Variants in CDK19 observed in about 807,000 individuals in gnomAD.
The protein encoded by CDK19 is cyclin-dependent kinase 19.
Under a neutral mutation model 68.3 loss-of-function variants are expected in CDK19, and 20 were observed. The observed-to-expected ratio is 0.29, with a 90% CI of 0.21 to 0.43. The LOEUF is 0.43. Ranked by LOEUF, CDK19 falls within the 20% of genes least tolerant of loss-of-function variation. The pLI, the probability that CDK19 is intolerant of heterozygous loss-of-function variation, is 1.00. For synonymous variants in CDK19, 221 were observed against 222.8 expected (o/e 0.99, Z 0.07); for missense variants, 339 against 623.5 (o/e 0.54, Z 4.86).
intron 1 of CDK19, among the ~76,000 whole-genome samples, chr6:110,774,663 T>G (rs1241790078): frequency 6.6e-6 from 1 of 152,190 alleles, no homozygotes; most frequent in African/African-American, 2.4e-5. Context: ...ATAAAACAAA[T>G]TAAAGGCTGG....
intron 2 of CDK19, among the ~76,000 whole-genome samples, chr6:110,689,147 T>C (rs1175116721): frequency 6.6e-6 from 1 of 152,156 alleles, no homozygotes; most frequent in East Asian, 1.9e-4. Flanking sequence ...CCCCACTCCC[T>C]GCATGAACTC....
intron 2 of CDK19, among the ~76,000 whole-genome samples, chr6:110,701,621 C>CA (rs1202782777): frequency 1.3e-5 from 2 of 151,348 alleles, no homozygotes; most frequent in African/African-American, 2.4e-5. Flanking sequence ...AGACATTTCA[C>CA]AAAAATAAAT....
At chr6:110,669,102 G>A (rs1359999083) in intron 3 of CDK19, among the ~76,000 whole-genome samples, 2 of 152,060 alleles carry the variant, frequency 1.3e-5, no homozygotes, top group Non-Finnish European at 2.9e-5. Flanking sequence ...TGTCCAGTAA[G>A]CCTTGGTTGA....
intron 2 of CDK19, 157 bp from the exon 3 acceptor site, chr6:110,670,698 G>C: frequency 1.5e-6 from 1 of 660,092 alleles, no homozygotes; most frequent in Middle Eastern, 2.4e-4. Context: ...GGCATTCAGA[G>C]ATAAGCTCTG....
At chr6:110,779,326 A>G (rs1246375700) in intron 1 of CDK19, among the ~76,000 whole-genome samples, 1 of 152,126 alleles carries the variant, frequency 6.6e-6, no homozygotes, top group Admixed American at 6.6e-5. Flanking sequence ...CAGCTCCTCC[A>G]AAAAGCTTTC....
chr6:110,665,440 A>C (rs1380484438), intron 4 of CDK19, among the ~76,000 whole-genome samples: 1 of 152,196 alleles, frequency 6.6e-6, no homozygotes, highest in African/African-American at 2.4e-5. Context: ...AGCAAATCTG[A>C]ATGGGAGGAA....
Position 110,775,671 on chromosome 6 carries a change from G to A in CDK19, c.129-29470C>T, listed in dbSNP as rs9400415. 0.022 allele frequency among the ~76,000 whole-genome samples: 3,344 copies of A among 152,094 alleles called. 365 individuals are homozygous for A. In the East Asian group the frequency reaches 0.35, roughly 16 times the overall value. ...TATTTCATTCTTTTCTGGTAATAGG[G>A]ATAAAAGACTACAAAACATAGCTGA... is the stretch of plus-strand genomic sequence containing the variant. On this transcript the variant is annotated intron_variant, in intron 1 of 12. Coordinates refer to ENST00000368911, the MANE Select transcript of CDK19 (RefSeq NM_015076.5).
chr6:110,804,682 G>A (rs750431924), intron 1 of CDK19, among the ~76,000 whole-genome samples: 7 of 149,954 alleles, frequency 4.7e-5, no homozygotes, highest in South Asian at 2.1e-4. Flanking sequence ...GTTGCCGGGC[G>A]CGGTGGCTCA....
chr6:110,633,887 C>A (rs1779598409), intron 5 of CDK19, among the ~76,000 whole-genome samples: 2 of 152,162 alleles, frequency 1.3e-5, no homozygotes. Context: ...AGTACTCAAA[C>A]AAAAACCATG....
intron 1 of CDK19, among the ~76,000 whole-genome samples, chr6:110,769,180 A>T (rs1295943217): frequency 6.8e-6 from 1 of 146,238 alleles, no homozygotes; most frequent in Non-Finnish European, 1.5e-5. Flanking sequence ...AAAAAACCCT[A>T]ATGTAAACTA....
intron 2 of CDK19, among the ~76,000 whole-genome samples, chr6:110,671,325 C>T (rs1408907904): frequency 3.9e-5 from 6 of 152,030 alleles, no homozygotes; most frequent in African/African-American, 4.8e-5. Context: ...AAGGTAAAAG[C>T]CTTAGAAATA....
At chr6:110,655,722 A>G (rs981757508) in intron 4 of CDK19, among the ~76,000 whole-genome samples, 1 of 152,012 alleles carries the variant, frequency 6.6e-6, no homozygotes, top group African/African-American at 2.4e-5. Flanking sequence ...GTCATAGTTC[A>G]AGCCTTCCTT....
intron 12 of CDK19, among the ~76,000 whole-genome samples, chr6:110,617,063 A>G (rs1351855375): frequency 6.6e-6 from 1 of 152,162 alleles, no homozygotes; most frequent in Non-Finnish European, 1.5e-5. Context: ...AGGCCTCAGG[A>G]GCAAAAGTTT....
intron 8 of CDK19, among the ~76,000 whole-genome samples, chr6:110,624,292 C>T (rs1297200590): frequency 2.0e-5 from 3 of 151,880 alleles, no homozygotes; most frequent in Non-Finnish European, 4.4e-5. Flanking sequence ...TAGTGATGTT[C>T]TAATTCCTAG....
chr6:110,642,882 G>A (rs1189410025), intron 4 of CDK19, among the ~76,000 whole-genome samples: 1 of 151,712 alleles, frequency 6.6e-6, no homozygotes, highest in Non-Finnish European at 1.5e-5. Flanking sequence ...AGAGGAGAGG[G>A]AAAAGAGAGA....
intron 2 of CDK19, among the ~76,000 whole-genome samples, chr6:110,743,573 C>A (rs1010064148): frequency 3.4e-4 from 51 of 151,932 alleles, no homozygotes; most frequent in African/African-American, 1.2e-3. Flanking sequence ...ACCCAGAAGG[C>A]GGAAATTGCA....
chr6:110,805,596 A>C (rs570431957), intron 1 of CDK19, among the ~76,000 whole-genome samples: 1 of 148,392 alleles, frequency 6.7e-6, no homozygotes, highest in African/African-American at 2.6e-5. Flanking sequence ...CCTATACAAA[A>C]AGTTGGCCCT....
At chr6:110,748,220 G>T (rs1332136832) in intron 1 of CDK19, among the ~76,000 whole-genome samples, 1 of 152,088 alleles carries the variant, frequency 6.6e-6, no homozygotes, top group Admixed American at 6.6e-5. Flanking sequence ...GGTTATAGTT[G>T]CTATGGAAAC....
intron 2 of CDK19, among the ~76,000 whole-genome samples, chr6:110,712,243 C>T (rs1037421101): frequency 3.9e-5 from 6 of 152,150 alleles, no homozygotes; most frequent in African/African-American, 1.4e-4. Context: ...TATGGGCCTC[C>T]AAGAACAGGT....
Sources: gnomAD v4.1 joint callset for allele counts (sites outside exome capture counted in the v4.1 genomes callset) on GRCh38, gnomAD v4.1.1 for gene constraint, MANE v1.5 for transcripts, NCBI Gene and HGNC (gene_info 2026-07-23, HGNC 2026-07-21) for gene names.